UTRN: variants seen among roughly 807,000 people sequenced by gnomAD.
UTRN encodes the protein dystrophin-related protein 1.
In UTRN, 283 loss-of-function variants were observed where a neutral mutation model predicts 463.9. The observed-to-expected ratio is 0.61, with a 90% confidence interval of 0.55 to 0.67. The LOEUF is 0.67. Ranked by LOEUF, UTRN falls within the 30% of genes least tolerant of loss-of-function variation. The pLI, the probability that UTRN is intolerant of heterozygous loss-of-function variation, is 0.00. For missense variants in UTRN, 3,922 were observed against 4,084.3 expected (o/e 0.96, Z 1.08); for synonymous variants, 1,442 against 1,431.5 (o/e 1.01, Z -0.17).
chr6:144,820,707 G>C (rs1345500956), intron 65 of UTRN, among the ~76,000 whole-genome samples, 175 bp from the exon 66 acceptor site: 3 of 152,168 alleles, frequency 2.0e-5, no homozygotes, highest in Admixed American at 2.0e-4. Context: ...GATATATTTA[G>C]TGATGAGTTC....
intron 51 of UTRN, among the ~76,000 whole-genome samples, chr6:144,634,589 G>C (rs1375435783): frequency 1.3e-5 from 2 of 152,270 alleles, no homozygotes; most frequent in South Asian, 4.2e-4. Flanking sequence ...CATATTCCAA[G>C]TAATGTACCC....
At chr6:144,310,819 C>T (rs1453521658) in intron 2 of UTRN, among the ~76,000 whole-genome samples, 4 of 152,196 alleles carry the variant, frequency 2.6e-5, no homozygotes, top group Admixed American at 6.5e-5. Flanking sequence ...GTGTGCAATC[C>T]CTGAGAAAAA....
intron 51 of UTRN, among the ~76,000 whole-genome samples, chr6:144,624,978 G>A (rs538379816): frequency 6.6e-6 from 1 of 152,280 alleles, no homozygotes; most frequent in East Asian, 1.9e-4. Flanking sequence ...AGGACAAGAT[G>A]ACCATTATAA....
chr6:144,377,806 A>G (rs546867852), intron 2 of UTRN, among the ~76,000 whole-genome samples: 49 of 152,308 alleles, frequency 3.2e-4, no homozygotes, highest in African/African-American at 1.0e-3. Flanking sequence ...GCATGCCCTT[A>G]TTAGTATTTC....
At chr6:144,643,581 G>T (rs1006717444) in intron 51 of UTRN, among the ~76,000 whole-genome samples, 4 of 152,122 alleles carry the variant, frequency 2.6e-5, no homozygotes, top group Admixed American at 2.6e-4. Context: ...CAGATCACCT[G>T]AGGTCAGGAG....
intron 50 of UTRN, among the ~76,000 whole-genome samples, chr6:144,565,231 G>T (rs572149917): frequency 6.6e-6 from 1 of 152,296 alleles, no homozygotes; most frequent in South Asian, 2.1e-4. Flanking sequence ...ACCATTCACC[G>T]AATTGGGAAA....
At chr6:144,729,705 AG>A (rs889441704) in intron 53 of UTRN, among the ~76,000 whole-genome samples, 1 of 152,242 alleles carries the variant, frequency 6.6e-6, no homozygotes, top group Admixed American at 6.5e-5. Flanking sequence ...CAAGGAACAA[AG>A]GTGCTAAAGA....
intron 34 of UTRN, 54 bp from the exon 35 acceptor site, chr6:144,510,890 T>C: frequency 7.2e-7 from 1 of 1,393,264 alleles, no homozygotes; most frequent in Non-Finnish European, 9.5e-7. Context: ...AGGTTGTATA[T>C]ACTTTTATAA....
intron 2 of UTRN, among the ~76,000 whole-genome samples, chr6:144,358,318 A>G (rs368910164): frequency 3.3e-5 from 5 of 152,346 alleles, no homozygotes; most frequent in South Asian, 4.1e-4. Flanking sequence ...AACAGTGTGT[A>G]TACACACACA....
At chr6:144,705,246 T>G (rs995772053) in intron 53 of UTRN, among the ~76,000 whole-genome samples, 2 of 152,072 alleles carry the variant, frequency 1.3e-5, no homozygotes, top group Non-Finnish European at 2.9e-5. Context: ...TGAGCTAGAA[T>G]GAGAATACTT....
chr6:144,572,379 GT>G lies in UTRN; in HGVS notation c.7290-4713del, dbSNP rs544799331. Among the ~76,000 whole-genome samples, 405 of 151,994 alleles carry G rather than the reference GT, an allele frequency of 2.7e-3. 3 individuals carry two copies. The highest frequency in any genetic ancestry group is 9.0e-3 in the African/African-American group (372 of 41,448). ...ATAATTAGCTCAATTATTATTTTTA[GT>G]TTTTTTAAAAAAATTTTTACTTTAA... On this transcript the variant is annotated intron_variant, in intron 50 of 74. Transcript: ENST00000367545.
rs1221157451 is a variant in UTRN, at chr6:144,291,283, C to T, written c.-92-454C>T. Among the ~76,000 whole-genome samples the T allele has an allele frequency of 1.1e-4, 17 of 152,304 alleles. No individual in the cohort carries two copies. In the East Asian group the frequency reaches 3.1e-3, roughly 28 times the overall value. The stretch of plus-strand genomic sequence containing the variant: ...TTTCCAGAAACACTGGCTTGTGCTC[C>T]ATTCTTTGACTGCTCCATGATTCTT... On this transcript the variant is annotated intron_variant, in intron 1 of 74. Transcript: ENST00000367545.
chr6:144,736,386 T>A (rs573147240), intron 54 of UTRN, among the ~76,000 whole-genome samples: 1 of 152,352 alleles, frequency 6.6e-6, no homozygotes, highest in South Asian at 2.1e-4. Context: ...TGGAGTCACC[T>A]CTTTTCTTTT....
At chr6:144,426,176 A>G (rs1785276017) in intron 6 of UTRN, 111 bp from the exon 7 acceptor site, 6 of 1,319,512 alleles carry the variant, frequency 4.5e-6, no homozygotes, top group East Asian at 4.8e-5. Flanking sequence ...CAGTTACCTG[A>G]TCCATAATGG....
intron 65 of UTRN, among the ~76,000 whole-genome samples, chr6:144,810,746 A>T (rs547924388): frequency 4.7e-4 from 71 of 152,326 alleles, no homozygotes; most frequent in African/African-American, 1.5e-3. Context: ...CCAGCATTTC[A>T]ATTGCAAGGG....
chr6:144,537,164 A>G (rs1797613900), intron 43 of UTRN, among the ~76,000 whole-genome samples: 1 of 152,100 alleles, frequency 6.6e-6, no homozygotes, highest in African/African-American at 2.4e-5. Context: ...CATGTCATAT[A>G]ATGATTCCTT....
intron 37 of UTRN, among the ~76,000 whole-genome samples, chr6:144,515,743 G>A (rs1202532513): frequency 6.6e-6 from 1 of 152,102 alleles, no homozygotes; most frequent in Non-Finnish European, 1.5e-5. Context: ...TTTCTACGTA[G>A]ATGTTATCTG....
At chr6:144,758,787 G>T (rs771929748) in intron 58 of UTRN, among the ~76,000 whole-genome samples, 24 of 152,022 alleles carry the variant, frequency 1.6e-4, no homozygotes, top group Non-Finnish European at 2.8e-4. Flanking sequence ...AGTCATAGTT[G>T]ACCCTATTTT....
chr6:144,364,556 A>G (rs1171395595), intron 2 of UTRN, among the ~76,000 whole-genome samples: 1 of 152,156 alleles, frequency 6.6e-6, no homozygotes. Context: ...CCAATTTGTG[A>G]TTCACAGGCA....
Sources: gnomAD v4.1 joint callset for allele counts (sites outside exome capture counted in the v4.1 genomes callset) on GRCh38, gnomAD v4.1.1 for gene constraint, MANE v1.5 for transcripts, NCBI Gene and HGNC (gene_info 2026-07-23, HGNC 2026-07-21) for gene names.